TENT5C: variants seen among roughly 807,000 people sequenced by gnomAD.
The protein encoded by TENT5C is family with sequence similarity 46 member C.
Under a neutral mutation model 22.2 loss-of-function variants are expected in TENT5C, and 5 were observed. The observed-to-expected ratio is 0.22, with a 90% CI of 0.12 to 0.47. The LOEUF (loss-of-function observed/expected upper bound fraction) is 0.47. Among genes scored for constraint, TENT5C ranks in the 20% least tolerant of loss-of-function variants. The pLI, the probability that TENT5C is intolerant of heterozygous loss-of-function variation, is 0.99. For missense variants in TENT5C, 364 were observed against 500.9 expected (o/e 0.73, Z 2.61); for synonymous variants, 199 against 195.4 (o/e 1.02, Z -0.15).
chr1:117,612,457 C>T (rs1165851094), intron 1 of TENT5C, among the ~76,000 whole-genome samples: 1 of 151,658 alleles, frequency 6.6e-6, no homozygotes, highest in Non-Finnish European at 1.5e-5. Context: ...CTCAGTTTAT[C>T]AACAATTAAG....
At chr1:117,622,512 G>C (rs1485344002) in intron 1 of TENT5C, among the ~76,000 whole-genome samples, 2 of 152,068 alleles carry the variant, frequency 1.3e-5, no homozygotes. Flanking sequence ...ATTCTACTGC[G>C]GTCCTATATG....
chr1:117,625,148 G>C lies in TENT5C; in HGVS notation c.*1104G>C, dbSNP rs142726505. The C allele has an allele frequency of 3.0e-3, 746 of 246,186 alleles. 8 individuals carry two copies. Among genetic ancestry groups the C allele is most frequent in the African/African-American group, 0.016 (705 of 44,810 alleles). 15.3% of individuals were successfully genotyped at this position (246,186 alleles called of 1,614,324 possible). On this transcript the variant is annotated 3_prime_UTR_variant, in exon 2 of 2. Coordinates refer to ENST00000369448, the MANE Select transcript of TENT5C (RefSeq NM_017709.4). ...AATAGTGACTTCCTTCTCCAGGTGT[G>C]TTTGACAGCAACTCAATTCAGGAAT... is the stretch of plus-strand genomic sequence containing the variant.
chr1:117,625,344 G>A lies in TENT5C; in HGVS notation c.*1300G>A, dbSNP rs947225693. 2 of 248,140 alleles carry A rather than the reference G, an allele frequency of 8.1e-6. No individual in the cohort carries two copies. Among genetic ancestry groups the A allele is most frequent in the Admixed American group, 5.6e-5 (1 of 17,802 alleles). 15.4% of individuals were successfully genotyped at this position (248,140 alleles called of 1,614,324 possible). ...TATATTTGGGAAGAATTGAGTGAAT[G>A]AGAATGCTCTTCCTTATTCTGGTAG... On this transcript the variant is annotated 3_prime_UTR_variant, in exon 2 of 2. Transcript: ENST00000369448.
At chr1:117,610,908 A>T (rs919298603) in intron 1 of TENT5C, among the ~76,000 whole-genome samples, 1 of 152,196 alleles carries the variant, frequency 6.6e-6, no homozygotes. Flanking sequence ...ACAAAGTCCC[A>T]TACTGTTACC....
Position 117,623,593 on chromosome 1 carries a change from G to A in TENT5C, c.725G>A (p.Gly242Glu), listed in dbSNP as rs1198478524. The A allele has an allele frequency of 6.2e-7, 1 of 1,613,672 alleles. No homozygotes were observed. The highest frequency in any genetic ancestry group is 1.7e-5 in the Admixed American group (1 of 59,980). Reference protein sequence around the residue: ...ATKNPEEIRGGGLLKYSNLLV... With the variant: ...ATKNPEEIRGEGLLKYSNLLV... ...AAGAACCCAGAAGAAATCAGAGGCG[G>A]GGGACTTCTCAAGTACAGCAACCTT... is the stretch of plus-strand genomic sequence containing the variant. The change falls in exon 2 of 2, where the codon GGG becomes GAG. Residue 242 changes from glycine (G) to glutamate (E), a missense_variant. Around this residue, in one of 3 missense-constraint regions of TENT5C, gnomAD observed 303 missense variants for 394.5 expected, o/e 0.77. Transcript: ENST00000369448.
chr1:117,627,104 C>T lies in TENT5C; in HGVS notation c.*3060C>T, dbSNP rs1033560685. On this transcript the variant is annotated 3_prime_UTR_variant, in exon 2 of 2. Transcript: ENST00000369448. ...GGGATGCCTGTGGGATGGCCCACACCTGGGGGACCTGGCAGATGGGGTGAG... is the reference window on the plus strand; with the variant it reads ...GGGATGCCTGTGGGATGGCCCACACTTGGGGGACCTGGCAGATGGGGTGAG... 4.0e-6 allele frequency: 1 copy of T among 248,042 alleles called. No individual in the cohort carries two copies. Among genetic ancestry groups the T allele is most frequent in the Non-Finnish European group, 8.5e-6 (1 of 118,126 alleles). The allele number at this position is 248,042 out of a possible 1,614,324, so 15.4% of individuals were successfully genotyped here. A position where few individuals can be genotyped will look rare whatever the true frequency, so the allele number is the denominator to read the frequency against.
chr1:117,620,087 G>A (rs1450329835), intron 1 of TENT5C, among the ~76,000 whole-genome samples: 3 of 152,082 alleles, frequency 2.0e-5, no homozygotes, highest in African/African-American at 7.2e-5. Context: ...TCAACCCTGT[G>A]TACTTCCCCC....
chr1:117,611,811 C>T (rs1653676307), intron 1 of TENT5C, among the ~76,000 whole-genome samples: 1 of 152,186 alleles, frequency 6.6e-6, no homozygotes, highest in Non-Finnish European at 1.5e-5. Context: ...CGAACCACGG[C>T]ACTGCAGCCT....
chr1:117,623,544 C>G lies in TENT5C; in HGVS notation c.676C>G (p.Leu226Val). 1 of 1,614,042 alleles carries G rather than the reference C, an allele frequency of 6.2e-7. No individual in the cohort carries two copies. The highest frequency in any genetic ancestry group is 1.7e-5 in the Admixed American group (1 of 60,008). Residue 226 changes from leucine to valine, a missense_variant, in exon 2 of 2, where the codon CTG becomes GTG. By Grantham distance (32) the Leu-to-Val change is conservative. This residue lies in a region of TENT5C where 303 missense variants were observed against 394.5 expected (regional missense o/e 0.77). Coordinates refer to ENST00000369448, the MANE Select transcript of TENT5C (RefSeq NM_017709.4). ...GGACTTTGAGGAAGCTTTTGACCAT[C>G]TGCAGAACAGACTGATCGCCACCAA... ...YGDFEEAFDH[L>V]QNRLIATKNP... is the part of the protein sequence containing the mutation.
At chr1:117,614,131 C>T (rs1201976066) in intron 1 of TENT5C, among the ~76,000 whole-genome samples, 2 of 152,160 alleles carry the variant, frequency 1.3e-5, no homozygotes, top group Non-Finnish European at 2.9e-5. Flanking sequence ...AATGTGGCCC[C>T]CTCCCTATGT....
intron 1 of TENT5C, among the ~76,000 whole-genome samples, chr1:117,619,797 C>G (rs11580646): frequency 0.14 from 21,571 of 152,070 alleles, 1,831 homozygotes; most frequent in Admixed American, 0.24. Flanking sequence ...TGAAATGCCT[C>G]CTTTAATTAT....
chr1:117,606,807 A>C (rs1653546595), intron 1 of TENT5C, among the ~76,000 whole-genome samples: 1 of 152,206 alleles, frequency 6.6e-6, no homozygotes, highest in Non-Finnish European at 1.5e-5. Flanking sequence ...TAATGCGCTC[A>C]CATCAGACTG....
At position 117,626,927 on chromosome 1, in the gene TENT5C, A is replaced by G. The variant is rs1042261962; in HGVS notation, c.*2883A>G. The G allele has an allele frequency of 8.1e-6, 2 of 248,070 alleles. No homozygotes were observed. The highest frequency in any genetic ancestry group is 2.2e-5 in the African/African-American group (1 of 45,358). 15.4% of individuals were successfully genotyped at this position (248,070 alleles called of 1,614,324 possible). On this transcript the variant is annotated 3_prime_UTR_variant, in exon 2 of 2. Transcript: ENST00000369448. ...TGAAGACAGTACCTTTTCCTCTCAC[A>G]TTGGCAGAATAGCACGCACTAGATG...
chr1:117,625,672 T>C lies in TENT5C; in HGVS notation c.*1628T>C, dbSNP rs1653997014. On this transcript the variant is annotated 3_prime_UTR_variant, in exon 2 of 2. Transcript: ENST00000369448. Reference sequence around the variant, plus strand: ...AAAGCCCGGAGTGATTGTTTTCTCCTTGCTTTAAGCAGTGAAGTTATCCTA... The same window carrying C: ...AAAGCCCGGAGTGATTGTTTTCTCCCTGCTTTAAGCAGTGAAGTTATCCTA... 4.0e-6 allele frequency: 1 copy of C among 248,070 alleles called. No individual in the cohort carries two copies. Among genetic ancestry groups the C allele is most frequent in the African/African-American group, 2.2e-5 (1 of 45,366 alleles). 15.4% of individuals were successfully genotyped at this position (248,070 alleles called of 1,614,324 possible). A position where few individuals can be genotyped will look rare whatever the true frequency, so the allele number is the denominator to read the frequency against.
At position 117,627,240 on chromosome 1, in the gene TENT5C, G is replaced by A. The variant is rs1654032719; in HGVS notation, c.*3196G>A. ...TGGGGTTTGAGTCACAGCAAGCTGT[G>A]TATGAACTTGTGTTTTGTGGTGACA... On this transcript the variant is annotated 3_prime_UTR_variant, in exon 2 of 2. Coordinates refer to ENST00000369448, the MANE Select transcript of TENT5C (RefSeq NM_017709.4). 1 of 248,098 alleles carries A rather than the reference G, an allele frequency of 4.0e-6. No homozygotes were observed. Among genetic ancestry groups the A allele is most frequent in the Non-Finnish European group, 8.5e-6 (1 of 118,152 alleles). The allele number at this position is 248,098 out of a possible 1,614,324, so 15.4% of individuals were successfully genotyped here.
intron 1 of TENT5C, among the ~76,000 whole-genome samples, chr1:117,615,788 C>T (rs142874964): frequency 1.6e-3 from 240 of 152,332 alleles, no homozygotes; most frequent in African/African-American, 5.5e-3. Context: ...CTCTAAGCCA[C>T]CTGGCATCTT....
At position 117,623,822 on chromosome 1, in the gene TENT5C, C is replaced by T. The variant is rs192636325; in HGVS notation, c.954C>T (p.Thr318=). The T allele has an allele frequency of 1.6e-4, 252 of 1,614,132 alleles. 1 individual carries two copies. The highest frequency in any genetic ancestry group is 4.0e-4 in the South Asian group (36 of 91,076). ...MILRRVVNES[T]VCLMGHERRQ... ...TTCGCAGGGTGGTGAACGAGAGCACCGTGTGTCTCATGGGGCATGAACGCA... is the reference window on the plus strand; with the variant it reads ...TTCGCAGGGTGGTGAACGAGAGCACTGTGTGTCTCATGGGGCATGAACGCA... Residue 318 remains threonine (T), a synonymous_variant, in exon 2 of 2, where the codon ACC becomes ACT. Transcript: ENST00000369448.
chr1:117,623,166 C>T lies in TENT5C; in HGVS notation c.298C>T (p.Pro100Ser). The change falls in exon 2 of 2, where the codon CCA (proline) becomes TCA (serine). Residue 100 changes from proline to serine, a missense_variant. By Grantham distance (74) the Pro-to-Ser change is moderately conservative. Coordinates refer to ENST00000369448, the MANE Select transcript of TENT5C (RefSeq NM_017709.4). ...DLDLIFHVAL[P>S]TEAEFQLVRD... ...GGACCTAATCTTCCATGTGGCTCTT[C>T]CAACAGAGGCAGAATTTCAGCTGGT... The T allele has an allele frequency of 3.1e-6, 5 of 1,614,194 alleles. No individual in the cohort carries two copies. The highest frequency in any genetic ancestry group is 4.2e-6 in the Non-Finnish European group (5 of 1,180,046).
At chr1:117,622,705 A>C in intron 1 of TENT5C, 137 bp from the exon 2 acceptor site, 2 of 627,454 alleles carry the variant, frequency 3.2e-6, no homozygotes, top group Non-Finnish European at 2.8e-6. Context: ...TTGAGTCCTC[A>C]TGGCAACACT....
Sources: allele counts gnomAD v4.1 joint callset (sites outside exome capture counted in the v4.1 genomes callset), GRCh38; gene constraint gnomAD v4.1.1; regional missense constraint gnomAD v4.1.1; transcripts MANE v1.5; gene names NCBI Gene and HGNC (gene_info 2026-07-23, HGNC 2026-07-21).